The following CEP128 variants were observed in gnomAD, a reference collection of about 807,000 sequenced individuals.
The protein encoded by CEP128 is centrosomal protein 128kDa.
CEP128 carries 132 observed loss-of-function variants against 156.7 expected under a neutral mutation model. The observed-to-expected ratio is 0.84, with a 90% CI of 0.73 to 0.97. The LOEUF is 0.97. Ranked by LOEUF, CEP128 falls within the 50% of genes least tolerant of loss-of-function variation. CEP128 has a pLI of 0.00. For synonymous variants in CEP128, 469 were observed against 448.9 expected, an observed-to-expected ratio of 1.04 and a Z score of -0.57; for missense variants, 1,252 against 1,281.9, an observed-to-expected ratio of 0.98 and a Z score of 0.36.
chr14:80,633,495 C>T (rs1894051474), intron 19 of CEP128, among the ~76,000 whole-genome samples: 1 of 84,198 alleles, frequency 1.2e-5, no homozygotes, highest in Non-Finnish European at 3.3e-5. Flanking sequence ...TCTTCTGCCA[C>T]CTCTGTCTCT....
chr14:80,956,996 CT>C (rs1254994112), intron 2 of CEP128, among the ~76,000 whole-genome samples: 3 of 152,162 alleles, frequency 2.0e-5, no homozygotes, highest in African/African-American at 7.2e-5. Flanking sequence ...GAATAAAATT[CT>C]TTTGTGCAGC....
At chr14:80,689,957 C>A (rs1470640) in intron 19 of CEP128, among the ~76,000 whole-genome samples, 128,384 of 152,018 alleles carry the variant, frequency 0.84, 54,422 homozygotes, top group East Asian at 0.98. Context: ...AAAACTACCA[C>A]AGTAAATAAG....
At chr14:80,882,029 TAAAG>T (rs1426376059) in intron 8 of CEP128, among the ~76,000 whole-genome samples, 1 of 151,750 alleles carries the variant, frequency 6.6e-6, no homozygotes, top group Non-Finnish European at 1.5e-5. Context: ...TAAGACAAGA[TAAAG>T]AAAGGGCATC....
At chr14:80,761,742 T>C (rs1159032829) in intron 16 of CEP128, 129 bp from the exon 17 acceptor site, 1 of 566,836 alleles carries the variant, frequency 1.8e-6, no homozygotes, top group African/African-American at 1.9e-5. Flanking sequence ...CCCCTTACTT[T>C]ACCAAAATAA....
At chr14:80,519,383 C>G (rs530746957) in intron 23 of CEP128, among the ~76,000 whole-genome samples, 1 of 152,290 alleles carries the variant, frequency 6.6e-6, no homozygotes, top group South Asian at 2.1e-4. Flanking sequence ...AAGTATTTTT[C>G]TCTCTGGAAT....
intron 19 of CEP128, among the ~76,000 whole-genome samples, chr14:80,630,911 T>C (rs560757948): frequency 6.6e-6 from 1 of 152,132 alleles, no homozygotes; most frequent in Admixed American, 6.5e-5. Context: ...TAATTGTCCA[T>C]AACATGTTTT....
chr14:80,651,015 C>G (rs1301400526), intron 19 of CEP128, among the ~76,000 whole-genome samples: 1 of 152,110 alleles, frequency 6.6e-6, no homozygotes, highest in East Asian at 1.9e-4. Context: ...CTTTGTACCT[C>G]TGGTAGAATT....
chr14:80,736,592 A>C lies in CEP128; in HGVS notation c.2806+6483T>G, dbSNP rs1012343244. On this transcript the variant is annotated intron_variant, in intron 19 of 24. Transcript: ENST00000555265. Reference sequence around the variant, plus strand: ...AAAAATACAAACTTTAAATATTTAAACTCCCCACTCAATCAATACTGGTCT... The same window carrying C: ...AAAAATACAAACTTTAAATATTTAACCTCCCCACTCAATCAATACTGGTCT... Among the ~76,000 whole-genome samples, 25 of 152,192 alleles carry C rather than the reference A, an allele frequency of 1.6e-4. No individual in the cohort carries two copies. In the East Asian group the frequency reaches 2.9e-3, roughly 18 times the overall value.
intron 19 of CEP128, among the ~76,000 whole-genome samples, chr14:80,727,890 G>A (rs1409171649): frequency 6.6e-6 from 1 of 152,098 alleles, no homozygotes; most frequent in Non-Finnish European, 1.5e-5. Flanking sequence ...CAGAGAAAAG[G>A]GAATGCTTAT....
At chr14:80,537,968 C>T (rs900521278) in intron 21 of CEP128, among the ~76,000 whole-genome samples, 2 of 152,102 alleles carry the variant, frequency 1.3e-5, no homozygotes, top group Non-Finnish European at 2.9e-5. Context: ...TCTAAGCTTC[C>T]GTATCTTATT....
chr14:80,728,542 T>C (rs2139505690), intron 19 of CEP128, among the ~76,000 whole-genome samples: 1 of 152,268 alleles, frequency 6.6e-6, no homozygotes. Flanking sequence ...AAGTACATTT[T>C]AAATGTTTGC....
At chr14:80,646,633 TCAATA>T (rs1358894424) in intron 19 of CEP128, among the ~76,000 whole-genome samples, 1 of 152,018 alleles carries the variant, frequency 6.6e-6, no homozygotes, top group African/African-American at 2.4e-5. Context: ...TACTATACAT[TCAATA>T]CTACATACAA....
chr14:80,535,694 T>C (rs953050466), intron 21 of CEP128, among the ~76,000 whole-genome samples: 1 of 152,228 alleles, frequency 6.6e-6, no homozygotes, highest in Non-Finnish European at 1.5e-5. Context: ...AGTTTTATGA[T>C]ACTAACACTG....
At chr14:80,848,442 T>C (rs1221590643) in intron 9 of CEP128, among the ~76,000 whole-genome samples, 1 of 152,092 alleles carries the variant, frequency 6.6e-6, no homozygotes, top group Non-Finnish European at 1.5e-5. Context: ...GGAGGATCAC[T>C]TGAGGCCAGG....
intron 9 of CEP128, among the ~76,000 whole-genome samples, chr14:80,854,892 T>C (rs1566672489): frequency 6.6e-6 from 1 of 151,836 alleles, no homozygotes; most frequent in Non-Finnish European, 1.5e-5. Flanking sequence ...AGAGAGAACA[T>C]ATCAAGAATC....
At chr14:80,486,724 T>A (rs1555366335), downstream of CEP128, among the ~76,000 whole-genome samples, 1 of 152,106 alleles carries the variant, frequency 6.6e-6, no homozygotes, top group Non-Finnish European at 1.5e-5. Flanking sequence ...TCAACATTCT[T>A]AAAGAAAAGA....
chr14:80,554,066 A>G (rs528148747), intron 21 of CEP128, among the ~76,000 whole-genome samples: 2 of 152,216 alleles, frequency 1.3e-5, no homozygotes, highest in South Asian at 4.2e-4. Context: ...TATGATGATG[A>G]TGGTGGTGGT....
At chr14:80,796,234 G>C (rs768982130) in intron 13 of CEP128, among the ~76,000 whole-genome samples, 1 of 152,224 alleles carries the variant, frequency 6.6e-6, no homozygotes, top group African/African-American at 2.4e-5. Flanking sequence ...CGAGGTGGGC[G>C]GATCACTTGA....
intron 23 of CEP128, among the ~76,000 whole-genome samples, chr14:80,518,196 CTATT>C (rs901850240): frequency 1.3e-5 from 2 of 150,168 alleles, no homozygotes; most frequent in African/African-American, 4.9e-5. Flanking sequence ...AGATGATTGA[CTATT>C]TATTTACTTC....
Sources: allele counts gnomAD v4.1 joint callset (sites outside exome capture counted in the v4.1 genomes callset), GRCh38; gene constraint gnomAD v4.1.1; transcripts MANE v1.5; gene names NCBI Gene and HGNC (gene_info 2026-07-23, HGNC 2026-07-21).